Variants in CWC25 observed in about 807,000 individuals in gnomAD.
CWC25 encodes the protein pre-mRNA-splicing factor CWC25 homolog.
In CWC25, 31 loss-of-function variants were observed where a neutral mutation model predicts 54.6. The observed-to-expected ratio is 0.57, with a 90% CI of 0.43 to 0.77. CWC25 has a LOEUF of 0.77. CWC25 is among the 30% of genes least tolerant of loss of function. The pLI, the probability that CWC25 is intolerant of heterozygous loss-of-function variation, is 0.00. For synonymous variants in CWC25, 151 were observed against 187.0 expected, an observed-to-expected ratio of 0.81 and a Z score of 1.57; for missense variants, 453 against 529.3, an observed-to-expected ratio of 0.86 and a Z score of 1.41.
intron 1 of CWC25, among the ~76,000 whole-genome samples, chr17:38,822,850 A>AT (rs36069874): frequency 0.39 from 54,752 of 139,490 alleles, 11,148 homozygotes; most frequent in African/African-American, 0.5. Flanking sequence ...CGCCTGGCCA[A>AT]TTTTTTTTTT....
intron 1 of CWC25, among the ~76,000 whole-genome samples, chr17:38,822,498 C>T (rs1437292570): frequency 1.3e-5 from 2 of 152,124 alleles, no homozygotes; most frequent in Non-Finnish European, 2.9e-5. Flanking sequence ...TCTGATCTCC[C>T]CATTCACCCT....
intron 4 of CWC25, 39 bp from the exon 5 acceptor site, chr17:38,810,634 A>T (rs1434492648): frequency 1.7e-5 from 18 of 1,030,870 alleles, no homozygotes; most frequent in Non-Finnish European, 2.5e-5. Context: ...AAGATTACTG[A>T]GACCAGCCAG....
intron 2 of CWC25, among the ~76,000 whole-genome samples, chr17:38,818,137 G>A (rs907412294): frequency 7.3e-5 from 11 of 151,350 alleles, no homozygotes; most frequent in Admixed American, 4.6e-4. Context: ...TTAGCCAGGC[G>A]TGGTGATGTG....
intron 1 of CWC25, among the ~76,000 whole-genome samples, chr17:38,822,013 C>T (rs1911946857): frequency 6.6e-6 from 1 of 151,934 alleles, no homozygotes; most frequent in Admixed American, 6.6e-5. Flanking sequence ...CATGATCTGC[C>T]CGCAGTGGCC....
chr17:38,802,471 A>G (rs888544010), intron 9 of CWC25, among the ~76,000 whole-genome samples: 1 of 152,222 alleles, frequency 6.6e-6, no homozygotes, highest in African/African-American at 2.4e-5. Context: ...TTCTTATTAA[A>G]AAGGAAGGTC....
At chr17:38,824,726 GT>G (rs1219046273) in intron 1 of CWC25, among the ~76,000 whole-genome samples, 1 of 152,086 alleles carries the variant, frequency 6.6e-6, no homozygotes, top group Non-Finnish European at 1.5e-5. Flanking sequence ...ATGGCTTAGG[GT>G]AGGGAGAATG....
intron 1 of CWC25, 33 bp downstream of exon 1, chr17:38,825,131 TCA>T (rs1335362176): frequency 7.4e-7 from 1 of 1,360,112 alleles, no homozygotes; most frequent in Non-Finnish European, 9.8e-7. Context: ...CGTCCCGGCC[TCA>T]GTCCTCCCCC....
At chr17:38,822,587 A>G (rs916377929) in intron 1 of CWC25, among the ~76,000 whole-genome samples, 2 of 152,154 alleles carry the variant, frequency 1.3e-5, no homozygotes, top group Non-Finnish European at 2.9e-5. Flanking sequence ...TCCCCAAAGT[A>G]AGTAATATCT....
At position 38,815,088 on chromosome 17, in the gene CWC25, TTC is replaced by T; in HGVS notation, c.199_200del (p.Glu67ArgfsTer17). On this transcript the variant is annotated frameshift_variant, in exon 3 of 10. Transcript: ENST00000614790. LOFTEE classifies it high-confidence loss of function. ...CCTGGTACATCCAGTCCAACTTTTC[TTC>T]TTTTTTCCTGGTTCAAGGGAAGAAA... The part of the protein sequence containing the change: ...AEDVGAVKKK[E>X]EKLDWMYQGP... The T allele has an allele frequency of 6.2e-7, 1 of 1,612,296 alleles. No homozygotes were observed. The highest frequency in any genetic ancestry group is 8.5e-7 in the Non-Finnish European group (1 of 1,179,240).
intron 2 of CWC25, 105 bp from the exon 3 acceptor site, chr17:38,815,202 G>T: frequency 1.0e-6 from 1 of 988,660 alleles, no homozygotes. Flanking sequence ...CAGCTAATCA[G>T]AGTTCATTCT....
rs1473559086 is a variant in CWC25, at chr17:38,802,004, G to T, written c.*88C>A. On this transcript the variant is annotated 3_prime_UTR_variant, in exon 10 of 10. Transcript: ENST00000614790. ...CACTGGTGGTTTGACATCTGTGAAA[G>T]AAGTCATTTGAACTCTTATAAAGAG... The T allele has an allele frequency of 4.0e-6, 3 of 751,868 alleles. No homozygotes were observed. The highest frequency in any genetic ancestry group is 3.5e-5 in the African/African-American group (2 of 56,806). 46.6% of individuals were successfully genotyped at this position (751,868 alleles called of 1,614,324 possible).
chr17:38,821,723 A>G (rs1911931879), intron 1 of CWC25, among the ~76,000 whole-genome samples: 1 of 152,146 alleles, frequency 6.6e-6, no homozygotes, highest in East Asian at 1.9e-4. Context: ...AATGAGCAGG[A>G]AGGCACATAT....
At chr17:38,807,052 T>A in intron 6 of CWC25, 76 bp from the exon 7 acceptor site, 1 of 1,199,138 alleles carries the variant, frequency 8.3e-7, no homozygotes, top group South Asian at 1.4e-5. Context: ...CCGGGCTCAG[T>A]GGCTCACGCC....
chr17:38,802,293 G>A, intron 9 of CWC25, 87 bp from the exon 10 acceptor site: 1 of 868,758 alleles, frequency 1.2e-6, no homozygotes, highest in Non-Finnish European at 1.8e-6. Flanking sequence ...TGGGTTGTTA[G>A]CCATAGAGCA....
intron 8 of CWC25, among the ~76,000 whole-genome samples, chr17:38,805,280 A>G (rs144903688): frequency 6.6e-4 from 100 of 152,254 alleles, no homozygotes; most frequent in African/African-American, 2.0e-3. Flanking sequence ...GTCTCCAAAA[A>G]AAACAAAGAA....
At chr17:38,806,241 C>T in intron 8 of CWC25, 56 bp downstream of exon 8, 3 of 1,418,748 alleles carry the variant, frequency 2.1e-6, no homozygotes, top group Non-Finnish European at 2.9e-6. Flanking sequence ...ATGGTTTGAG[C>T]CCCTTCTAGA....
At chr17:38,818,546 C>T (rs1204757256) in intron 2 of CWC25, among the ~76,000 whole-genome samples, 1 of 117,602 alleles carries the variant, frequency 8.5e-6, no homozygotes. Context: ...GAGCCGAGAT[C>T]GTGCTGCACT....
intron 1 of CWC25, among the ~76,000 whole-genome samples, chr17:38,823,678 C>G (rs770744092): frequency 6.6e-6 from 1 of 152,088 alleles, no homozygotes; most frequent in Non-Finnish European, 1.5e-5. Flanking sequence ...GTCAGTTGGT[C>G]TGACCATCCG....
intron 2 of CWC25, among the ~76,000 whole-genome samples, chr17:38,815,910 T>C (rs530826506): frequency 4.9e-4 from 74 of 152,240 alleles, no homozygotes; most frequent in Middle Eastern, 3.4e-3. Flanking sequence ...CAGAGGTAAC[T>C]GAATAAGTGA....
Sources: allele counts gnomAD v4.1 joint callset (sites outside exome capture counted in the v4.1 genomes callset), GRCh38; gene constraint gnomAD v4.1.1; transcripts MANE v1.5; gene names NCBI Gene and HGNC (gene_info 2026-07-23, HGNC 2026-07-21).